DSCAM: variants seen among roughly 807,000 people sequenced by gnomAD.
DSCAM encodes DS cell adhesion molecule.
A neutral mutation model predicts 217.7 loss-of-function variants in DSCAM; 47 were observed. That is an observed-to-expected ratio of 0.22 (90% CI 0.17 to 0.28). The LOEUF is 0.28. Among genes scored for constraint, DSCAM ranks in the 10% least tolerant of loss-of-function variants. The pLI, the probability that DSCAM is intolerant of heterozygous loss-of-function variation, is 1.00. For missense variants in DSCAM, 2,080 were observed against 2,618.3 expected (o/e 0.79, Z 4.49); for synonymous variants, 1,056 against 1,015.3 (o/e 1.04, Z -0.76).
chr21:40,303,262 C>G (rs144582962), intron 9 of DSCAM, among the ~76,000 whole-genome samples: 1 of 152,154 alleles, frequency 6.6e-6, no homozygotes, highest in Non-Finnish European at 1.5e-5. Context: ...TTTCTGTCCT[C>G]TCTTACTTAA....
chr21:40,209,841 T>G (rs1233965943), intron 11 of DSCAM, among the ~76,000 whole-genome samples: 1 of 152,182 alleles, frequency 6.6e-6, no homozygotes, highest in Non-Finnish European at 1.5e-5. Flanking sequence ...TCATCTTCCT[T>G]TTCCACTCCA....
intron 1 of DSCAM, among the ~76,000 whole-genome samples, chr21:40,824,505 G>T (rs1402931356): frequency 6.7e-6 from 1 of 149,184 alleles, no homozygotes; most frequent in Non-Finnish European, 1.5e-5. Flanking sequence ...AACCTTCCAG[G>T]CTCAAGCAAT....
intron 1 of DSCAM, among the ~76,000 whole-genome samples, chr21:40,723,119 A>T (rs1437420410): frequency 6.7e-6 from 1 of 148,318 alleles, no homozygotes; most frequent in African/African-American, 2.5e-5. Context: ...GCTAATTACC[A>T]TTAGGGTAAC....
intron 3 of DSCAM, among the ~76,000 whole-genome samples, chr21:40,428,855 C>T (rs1044758982): frequency 5.3e-5 from 8 of 152,122 alleles, no homozygotes; most frequent in Non-Finnish European, 1.0e-4. Flanking sequence ...CACACACACA[C>T]ACCATTTCAT....
intron 15 of DSCAM, among the ~76,000 whole-genome samples, chr21:40,173,208 G>A (rs2090678100): frequency 6.6e-6 from 1 of 152,154 alleles, no homozygotes; most frequent in Non-Finnish European, 1.5e-5. Context: ...GCTGATACAA[G>A]CGACTGCTAG....
At chr21:40,300,376 T>C (rs1235494030) in intron 9 of DSCAM, among the ~76,000 whole-genome samples, 1 of 152,184 alleles carries the variant, frequency 6.6e-6, no homozygotes, top group Non-Finnish European at 1.5e-5. Context: ...TGAAAATGTA[T>C]CCTCAAATTC....
At chr21:40,225,010 C>T (rs1276847225) in intron 11 of DSCAM, among the ~76,000 whole-genome samples, 3 of 152,178 alleles carry the variant, frequency 2.0e-5, no homozygotes, top group African/African-American at 7.2e-5. Context: ...AGGTACTGTG[C>T]ATGCTACAAG....
At chr21:40,050,926 T>C (rs2088920661) in intron 30 of DSCAM, among the ~76,000 whole-genome samples, 1 of 152,206 alleles carries the variant, frequency 6.6e-6, no homozygotes, top group Non-Finnish European at 1.5e-5. Flanking sequence ...AAGACTTCTT[T>C]AGAATGTAGA....
chr21:40,775,259 C>T (rs1362119004), intron 1 of DSCAM, among the ~76,000 whole-genome samples: 4 of 152,030 alleles, frequency 2.6e-5, no homozygotes, highest in Admixed American at 1.3e-4. Flanking sequence ...TGGTTTAAGG[C>T]GAGGAATATG....
At chr21:40,225,847 C>T (rs2091328361) in intron 11 of DSCAM, among the ~76,000 whole-genome samples, 1 of 152,148 alleles carries the variant, frequency 6.6e-6, no homozygotes, top group Admixed American at 6.5e-5. Flanking sequence ...TGTCCTCCAA[C>T]ACCTTCTTGG....
At chr21:40,122,984 T>C (rs1376300492) in intron 20 of DSCAM, among the ~76,000 whole-genome samples, 1 of 152,204 alleles carries the variant, frequency 6.6e-6, no homozygotes, top group Non-Finnish European at 1.5e-5. Flanking sequence ...GGAGATTCCA[T>C]CGCATGCTAC....
intron 1 of DSCAM, among the ~76,000 whole-genome samples, chr21:40,826,629 A>G (rs1327743919): frequency 6.6e-6 from 1 of 152,250 alleles, no homozygotes; most frequent in Non-Finnish European, 1.5e-5. Context: ...TAGCATCACT[A>G]GGACATGCTG....
intron 8 of DSCAM, among the ~76,000 whole-genome samples, chr21:40,315,391 G>A (rs556859941): frequency 5.4e-5 from 8 of 149,210 alleles, no homozygotes; most frequent in African/African-American, 2.0e-4. Context: ...GAGACAGAGC[G>A]AAACTCCGTC....
At chr21:40,464,018 C>A (rs2075825367) in intron 3 of DSCAM, among the ~76,000 whole-genome samples, 2 of 150,874 alleles carry the variant, frequency 1.3e-5, no homozygotes, top group East Asian at 2.0e-4. Context: ...CAAACATCAA[C>A]TAGAGATTCT....
intron 1 of DSCAM, among the ~76,000 whole-genome samples, chr21:40,712,244 A>G (rs1186925842): frequency 3.9e-5 from 6 of 152,188 alleles, no homozygotes; most frequent in Non-Finnish European, 8.8e-5. Flanking sequence ...AGTTTGTTTT[A>G]TGAAAACATA....
intron 16 of DSCAM, among the ~76,000 whole-genome samples, chr21:40,149,486 C>T (rs79933120): frequency 0.037 from 2,191 of 59,594 alleles, 2 homozygotes; most frequent in South Asian, 0.088. Flanking sequence ...CCAACACCAA[C>T]AGCACTGTCA....
chr21:40,336,139 A>G (rs371458739), intron 8 of DSCAM, among the ~76,000 whole-genome samples: 9 of 152,162 alleles, frequency 5.9e-5, no homozygotes, highest in East Asian at 3.9e-4. Flanking sequence ...CCTGAGCAGC[A>G]CGGCTATTTT....
intron 1 of DSCAM, among the ~76,000 whole-genome samples, chr21:40,739,237 G>A (rs904554866): frequency 1.3e-4 from 11 of 84,408 alleles, no homozygotes; most frequent in African/African-American, 6.3e-4. Context: ...AGCACTGTCT[G>A]CAGCAATGCT....
chr21:40,122,796 T>G, intron 20 of DSCAM, among the ~76,000 whole-genome samples: 1 of 152,210 alleles, frequency 6.6e-6, no homozygotes, highest in East Asian at 1.9e-4. Context: ...CCTTGCTTTT[T>G]CAGCAACAGA....
Sources: allele counts gnomAD v4.1 joint callset (sites outside exome capture counted in the v4.1 genomes callset), GRCh38; gene constraint gnomAD v4.1.1; transcripts MANE v1.5; gene names NCBI Gene and HGNC (gene_info 2026-07-23, HGNC 2026-07-21).